ASH2L: variants seen among roughly 807,000 people sequenced by gnomAD.
The protein encoded by ASH2L is ASH2 like, histone lysine methyltransferase complex subunit.
In ASH2L, 30 loss-of-function variants were observed where a neutral mutation model predicts 81.1. That is an observed-to-expected ratio of 0.37 (90% CI 0.28 to 0.50). The LOEUF is 0.50. ASH2L is among the 20% of genes least tolerant of loss of function. ASH2L has a pLI of 0.95. For synonymous variants in ASH2L, 273 were observed against 279.9 expected, an observed-to-expected ratio of 0.98 and a Z score of 0.24; for missense variants, 559 against 792.1, an observed-to-expected ratio of 0.71 and a Z score of 3.53.
Position 38,110,887 on chromosome 8 carries a change from C to A in ASH2L, c.585+54C>A, listed in dbSNP as rs867140442. 11 of 1,369,556 alleles carry A rather than the reference C, an allele frequency of 8.0e-6. 2 individuals are homozygous for A. The Middle Eastern group carries it at 1.8e-3, about 222-fold the overall frequency. 84.8% of individuals were successfully genotyped at this position (1,369,556 alleles called of 1,614,324 possible). A position where few individuals can be genotyped will look rare whatever the true frequency, so the allele number is the denominator to read the frequency against. The stretch of plus-strand genomic sequence containing the variant: ...TATATTGAAGAGTTAGGTGGAACTT[C>A]TAAATATACTCCCTAACAAGTACTT... On this transcript the variant is annotated intron_variant, in intron 5 of 15. Coordinates refer to ENST00000343823, the MANE Select transcript of ASH2L (RefSeq NM_004674.5).
chr8:38,122,598 G>A (rs1026420263), intron 10 of ASH2L: 1 of 152,140 alleles, frequency 6.6e-6, no homozygotes, highest in Non-Finnish European at 1.5e-5. Flanking sequence ...AAGTGCATGT[G>A]TGTATGTACA....
chr8:38,130,465 T>C (rs1802013381), intron 12 of ASH2L, among the ~76,000 whole-genome samples: 1 of 151,938 alleles, frequency 6.6e-6, no homozygotes, highest in South Asian at 2.1e-4. Flanking sequence ...AAATTTTTCT[T>C]TTATACTTAT....
rs1301320465 is a variant in ASH2L, at chr8:38,121,008, C to T, written c.1024C>T (p.Arg342Trp). 6.2e-7 allele frequency: 1 copy of T among 1,613,664 alleles called. No individual in the cohort carries two copies. The highest frequency in any genetic ancestry group is 8.5e-7 in the Non-Finnish European group (1 of 1,179,972). Residue 342 changes from arginine to tryptophan, a missense_variant, in exon 10 of 16, where the codon CGG becomes TGG. Arg to Trp is a moderately radical substitution (Grantham distance 101, BLOSUM62 -3). This residue lies in a region of ASH2L where 318 missense variants were observed against 527.0 expected (regional missense o/e 0.60). Coordinates refer to ENST00000343823, the MANE Select transcript of ASH2L (RefSeq NM_004674.5). ...ACACCCGTTTAACAAAGATGGCTAT[C>T]GGTATATTCTAGCTGAGCCTGATCC... The part of the protein sequence containing the change: ...LEHPFNKDGY[R>W]YILAEPDPHA...
intron 12 of ASH2L, among the ~76,000 whole-genome samples, chr8:38,129,418 C>T (rs1487781727): frequency 2.0e-5 from 3 of 152,078 alleles, no homozygotes; most frequent in Non-Finnish European, 2.9e-5. Context: ...ACTGCTTGAG[C>T]CCACGAGTTC....
At chr8:38,113,260 A>G (rs1810758621) in intron 5 of ASH2L, among the ~76,000 whole-genome samples, 1 of 152,052 alleles carries the variant, frequency 6.6e-6, no homozygotes, top group African/African-American at 2.4e-5. Flanking sequence ...GTGAGCCACC[A>G]CGCCCAGCTC....
chr8:38,136,601 C>A (rs1196594735), intron 14 of ASH2L, among the ~76,000 whole-genome samples: 1 of 151,088 alleles, frequency 6.6e-6, no homozygotes, highest in Non-Finnish European at 1.5e-5. Flanking sequence ...ATGGCGAAAC[C>A]CCGTCTCTAC....
At chr8:38,110,344 A>G (rs750775963) in intron 3 of ASH2L, 35 bp from the exon 4 acceptor site, 6 of 1,493,018 alleles carry the variant, frequency 4.0e-6, no homozygotes, top group Admixed American at 3.3e-5. Context: ...TGTGTTCACA[A>G]GTTCACTAAT....
Position 38,117,186 on chromosome 8 carries a change from C to G in ASH2L, c.853+461C>G, listed in dbSNP as rs77063624. 4.0e-3 allele frequency among the ~76,000 whole-genome samples: 615 copies of G among 152,248 alleles called. 4 individuals carry two copies. Among genetic ancestry groups the G allele is most frequent in the Non-Finnish European group, 6.8e-3 (460 of 68,018 alleles). ...CATTGCAGCTTGTTCTTCTGTTAAC[C>G]CATCTAATAGCGGGAAAACCCCTCG... On this transcript the variant is annotated intron_variant, in intron 8 of 15. Coordinates refer to ENST00000343823, the MANE Select transcript of ASH2L (RefSeq NM_004674.5).
rs749025981 is a variant in ASH2L, at chr8:38,128,363, C to T, written c.1238C>T (p.Ser413Phe). The T allele has an allele frequency of 6.2e-7, 1 of 1,614,124 alleles. No homozygotes were observed. Among genetic ancestry groups the T allele is most frequent in the Non-Finnish European group, 8.5e-7 (1 of 1,180,010 alleles). Residue 413 changes from serine (S) to phenylalanine (F), a missense_variant, in exon 11 of 16, where the codon TCT (serine) becomes TTT (phenylalanine). Transcript: ENST00000343823. The stretch of plus-strand genomic sequence containing the variant: ...AAGGGCTACTCTATGGTGAGGGCCT[C>T]TCATGGAGTACGGAAAGGTGCCTGG... ...GEKGYSMVRA[S>F]HGVRKGAWYF...
intron 10 of ASH2L, among the ~76,000 whole-genome samples, chr8:38,127,610 G>A (rs572831606): frequency 1.3e-5 from 2 of 151,756 alleles, no homozygotes; most frequent in African/African-American, 2.4e-5. Flanking sequence ...GCTGGGCGTG[G>A]TGGTGGGCGC....
At chr8:38,138,111 CTACAAAAAAA>C (rs1345094802) in intron 14 of ASH2L, 1 of 151,888 alleles carries the variant, frequency 6.6e-6, no homozygotes, top group South Asian at 2.1e-4. Context: ...AACCCCCTTT[CTACAAAAAAA>C]TACAAAAAAT....
chr8:38,139,609 A>T lies in ASH2L; in HGVS notation c.*538A>T, dbSNP rs909735300. The T allele has an allele frequency of 5.2e-5, 8 of 152,558 alleles. No homozygotes were observed. The highest frequency in any genetic ancestry group is 2.9e-5 in the Non-Finnish European group (2 of 68,076). The allele number at this position is 152,558 out of a possible 1,614,324, so 9.5% of individuals were successfully genotyped here. On this transcript the variant is annotated 3_prime_UTR_variant, in exon 16 of 16. Coordinates refer to ENST00000343823, the MANE Select transcript of ASH2L (RefSeq NM_004674.5). Reference sequence around the variant, plus strand: ...ACTTTTGAACACTGAGATCCGTAAAACTACTAGATCTCTGGAAGTGTAATT... The same window carrying T: ...ACTTTTGAACACTGAGATCCGTAAATCTACTAGATCTCTGGAAGTGTAATT...
chr8:38,116,321 G>A (rs945276371), intron 7 of ASH2L, among the ~76,000 whole-genome samples: 4 of 151,982 alleles, frequency 2.6e-5, no homozygotes, highest in African/African-American at 9.7e-5. Context: ...AGCCGATATC[G>A]CGCCACTGCA....
intron 14 of ASH2L, among the ~76,000 whole-genome samples, chr8:38,137,087 C>T (rs1445116158): frequency 6.6e-5 from 9 of 137,168 alleles, no homozygotes; most frequent in Admixed American, 3.1e-4. Context: ...AGTGAGACTC[C>T]GTCTCAAAAA....
chr8:38,117,600 A>G (rs1039750950), intron 8 of ASH2L: 3 of 330,562 alleles, frequency 9.1e-6, no homozygotes, highest in African/African-American at 6.7e-5. Flanking sequence ...TGGCGGCAAT[A>G]GCACTTAATA....
chr8:38,107,211 A>G (rs935453800), intron 3 of ASH2L, 45 bp downstream of exon 3: 8 of 1,608,004 alleles, frequency 5.0e-6, no homozygotes, highest in Admixed American at 3.3e-5. Flanking sequence ...CGGTAAAATA[A>G]ATCTGAACAT....
At chr8:38,118,325 A>G (rs958714935) in intron 8 of ASH2L, among the ~76,000 whole-genome samples, 1 of 152,238 alleles carries the variant, frequency 6.6e-6, no homozygotes, top group Non-Finnish European at 1.5e-5. Flanking sequence ...TTGTTTACGT[A>G]AAGGTGTTTT....
chr8:38,109,946 C>A (rs141922646), intron 3 of ASH2L, among the ~76,000 whole-genome samples: 62 of 152,232 alleles, frequency 4.1e-4, no homozygotes, highest in African/African-American at 1.4e-3. Flanking sequence ...CGGATAAGGT[C>A]TTATTAACTT....
At chr8:38,120,859 T>C in intron 9 of ASH2L, 73 bp from the exon 10 acceptor site, 2 of 1,298,008 alleles carry the variant, frequency 1.5e-6, no homozygotes, top group South Asian at 2.4e-5. Flanking sequence ...ACCAGAGGCC[T>C]TTCTTACACA....
Sources: gnomAD v4.1 joint callset for allele counts (sites outside exome capture counted in the v4.1 genomes callset) on GRCh38, gnomAD v4.1.1 for gene constraint, gnomAD v4.1.1 regional missense constraint, MANE v1.5 for transcripts, NCBI Gene and HGNC (gene_info 2026-07-23, HGNC 2026-07-21) for gene names.